BEND7: variants seen among roughly 807,000 people sequenced by gnomAD.
BEND7 encodes the protein BEN domain containing 7, also known as BEN domain-containing protein 7.
BEND7 carries 28 observed loss-of-function variants against 50.9 expected under a neutral mutation model. The observed-to-expected ratio is 0.55, with a 90% CI of 0.41 to 0.75. The LOEUF (loss-of-function observed/expected upper bound fraction) is 0.75. Among genes scored for constraint, BEND7 ranks in the 30% least tolerant of loss-of-function variants. The pLI is 0.00. For synonymous variants in BEND7, 170 were observed against 183.9 expected (o/e 0.92, Z 0.61); for missense variants, 477 against 491.3 (o/e 0.97, Z 0.28).
intron 7 of BEND7, 88 bp from the exon 8 acceptor site, chr10:13,447,404 T>A: frequency 7.5e-7 from 1 of 1,340,506 alleles, no homozygotes; most frequent in East Asian, 2.3e-5. Context: ...TTTTAAAAAC[T>A]CCAGTATACA....
intron 6 of BEND7, among the ~76,000 whole-genome samples, chr10:13,462,417 G>A (rs1312782872): frequency 6.6e-6 from 1 of 152,216 alleles, no homozygotes; most frequent in Admixed American, 6.5e-5. Flanking sequence ...CACAAGAACA[G>A]TATGGGGGAA....
At chr10:13,449,379 C>T (rs560175161) in intron 7 of BEND7, among the ~76,000 whole-genome samples, 1 of 152,274 alleles carries the variant, frequency 6.6e-6, no homozygotes, top group South Asian at 2.1e-4. Context: ...CAGTGTGTCG[C>T]TGAACCCTTA....
intron 3 of BEND7, among the ~76,000 whole-genome samples, chr10:13,498,500 C>A (rs7898153): frequency 0.013 from 2,004 of 152,108 alleles, 43 homozygotes; most frequent in African/African-American, 0.046. Context: ...TACTGGGAAA[C>A]AGAACACTGT....
chr10:13,455,388 T>A lies in BEND7; in HGVS notation c.1064-2730A>T, dbSNP rs182990189. Among the ~76,000 whole-genome samples, 497 of 150,342 alleles carry A rather than the reference T, an allele frequency of 3.3e-3. 2 individuals are homozygous for A. The highest frequency in any genetic ancestry group is 0.011 in the African/African-American group (468 of 40,834). Reference sequence around the variant, plus strand: ...GGAGAGTGGAGGGGAGGCCACTGAGTGGTTCTCATAAAAAGGAGGGACCAG... The same window carrying A: ...GGAGAGTGGAGGGGAGGCCACTGAGAGGTTCTCATAAAAAGGAGGGACCAG... On this transcript the variant is annotated intron_variant, in intron 6 of 8. Coordinates refer to ENST00000466271, the MANE Select transcript of BEND7 (RefSeq NM_001369863.1).
intron 6 of BEND7, among the ~76,000 whole-genome samples, chr10:13,460,440 C>G (rs1839975598): frequency 6.6e-6 from 1 of 152,230 alleles, no homozygotes; most frequent in Admixed American, 6.5e-5. Flanking sequence ...TGCTCTCTCT[C>G]TCTTTTAAAG....
At chr10:13,442,028 C>T in intron 8 of BEND7, 1 of 468,520 alleles carries the variant, frequency 2.1e-6, no homozygotes, top group Non-Finnish European at 3.8e-6. Context: ...GGGATTTATC[C>T]CAGAGGGCCT....
intron 6 of BEND7, among the ~76,000 whole-genome samples, chr10:13,455,340 G>A (rs535883502): frequency 4.7e-4 from 72 of 152,194 alleles, no homozygotes; most frequent in African/African-American, 1.6e-3. Flanking sequence ...GCCCAAGCAC[G>A]GCTGGCCAGG....
chr10:13,441,648 C>T lies in BEND7; in HGVS notation c.*95G>A, dbSNP rs1434289508. On this transcript the variant is annotated 3_prime_UTR_variant, in exon 9 of 9. Transcript: ENST00000466271. ...CGAAAGGTCACCAATTAATCTTCTCCCTTCCCTTGGGTAGTAGCTCCTTGT... is the reference window on the plus strand; with the variant it reads ...CGAAAGGTCACCAATTAATCTTCTCTCTTCCCTTGGGTAGTAGCTCCTTGT... The T allele has an allele frequency of 4.4e-6, 7 of 1,595,520 alleles. No individual in the cohort carries two copies. Among genetic ancestry groups the T allele is most frequent in the South Asian group, 1.1e-5 (1 of 87,572 alleles).
intron 2 of BEND7, among the ~76,000 whole-genome samples, chr10:13,523,188 T>C (rs1411616359): frequency 6.6e-6 from 1 of 152,322 alleles, no homozygotes; most frequent in South Asian, 2.1e-4. Context: ...GAGAACTGTT[T>C]CCTTTCAAAC....
intron 2 of BEND7, among the ~76,000 whole-genome samples, chr10:13,503,872 T>C (rs982905590): frequency 2.0e-5 from 3 of 152,078 alleles, no homozygotes; most frequent in African/African-American, 7.2e-5. Context: ...TTAGGGGAGA[T>C]GACGGGACGT....
intron 6 of BEND7, among the ~76,000 whole-genome samples, chr10:13,471,361 A>T (rs1321592862): frequency 1.3e-5 from 2 of 152,250 alleles, no homozygotes; most frequent in African/African-American, 4.8e-5. Context: ...CAGTATCTGA[A>T]AAGCAGCAAA....
intron 1 of BEND7, chr10:13,527,923 GCTATATGAT>G (rs1443591220): frequency 2.5e-6 from 2 of 795,874 alleles, no homozygotes; most frequent in East Asian, 1.3e-4. Flanking sequence ...TTATCTGACT[GCTATATGAT>G]CTAGTCTAAA....
intron 5 of BEND7, among the ~76,000 whole-genome samples, chr10:13,482,044 A>T (rs1479891504): frequency 3.9e-5 from 6 of 152,332 alleles, no homozygotes; most frequent in Non-Finnish European, 8.8e-5. Flanking sequence ...CTGCCCATGG[A>T]GGTGGCTACA....
chr10:13,500,055 C>T lies in BEND7; in HGVS notation c.171G>A (p.Lys57=), dbSNP rs1295649236. The T allele has an allele frequency of 6.3e-7, 1 of 1,596,406 alleles. No individual in the cohort carries two copies. The part of the protein sequence containing the change: ...FLGDESMEIK[K]QITGMRRLLN... Reference sequence around the variant, plus strand: ...GCAATCTTCTCATCCCTGTAATTTGCTTTTTTATTTCCATGCTTTCATCTC... The same window carrying T: ...GCAATCTTCTCATCCCTGTAATTTGTTTTTTTATTTCCATGCTTTCATCTC... The change falls in exon 3 of 9, where the codon AAG becomes AAA. Residue 57 remains lysine, a synonymous_variant. Coordinates refer to ENST00000466271, the MANE Select transcript of BEND7 (RefSeq NM_001369863.1).
chr10:13,491,835 G>A (rs990260570), intron 5 of BEND7, among the ~76,000 whole-genome samples: 2 of 152,050 alleles, frequency 1.3e-5, no homozygotes, highest in African/African-American at 2.4e-5. Flanking sequence ...CAGGATTCTC[G>A]TCCTATGCAA....
rs1167447156 is a variant in BEND7 at position 13,528,883 on chromosome 10, G to C, written c.-350C>G. 1 of 143,796 alleles carries C rather than the reference G, an allele frequency of 7.0e-6. No homozygotes were observed. Among genetic ancestry groups the C allele is most frequent in the Non-Finnish European group, 1.5e-5 (1 of 64,882 alleles). 8.9% of individuals were successfully genotyped at this position (143,796 alleles called of 1,614,324 possible). A position where few individuals can be genotyped will look rare whatever the true frequency, so the allele number is the denominator to read the frequency against. On this transcript the variant is annotated 5_prime_UTR_variant, in exon 1 of 9. Transcript: ENST00000466271. ...CTTTCCGTTGGGAGCGGGCCGGGCC[G>C]GGGCGCGGCGGCGGCGGCGGAGGCG...
At chr10:13,444,746 T>C (rs2105255) in intron 8 of BEND7, 109,417 of 152,220 alleles carry the variant, frequency 0.72, 39,727 homozygotes, top group East Asian at 0.88. Flanking sequence ...TCAAGAGACA[T>C]GCTATCCAGG....
At chr10:13,519,190 A>C (rs751082346) in intron 2 of BEND7, among the ~76,000 whole-genome samples, 9 of 151,172 alleles carry the variant, frequency 6.0e-5, no homozygotes, top group Admixed American at 5.9e-4. Context: ...GATAACTCCT[A>C]GGCTGGGCAC....
rs75901569 is a variant in BEND7, at chr10:13,519,851, G to A, written c.145+6287C>T. ...TTACTAGAAGGAGTTTGGAAATGGG[G>A]TAAGGAATGGTAGGAGGCTAGGATG... On this transcript the variant is annotated intron_variant, in intron 2 of 8. Coordinates refer to ENST00000466271, the MANE Select transcript of BEND7 (RefSeq NM_001369863.1). Among the ~76,000 whole-genome samples, 348 of 152,320 alleles carry A rather than the reference G, an allele frequency of 2.3e-3. 1 individual carries two copies. Among genetic ancestry groups the A allele is most frequent in the African/African-American group, 8.2e-3 (341 of 41,582 alleles).
Sources: gnomAD v4.1 joint callset for allele counts (sites outside exome capture counted in the v4.1 genomes callset) on GRCh38, gnomAD v4.1.1 for gene constraint, MANE v1.5 for transcripts, NCBI Gene and HGNC (gene_info 2026-07-23, HGNC 2026-07-21) for gene names.